MLKL: variants seen among roughly 807,000 people sequenced by gnomAD.
MLKL encodes mixed lineage kinase domain-like protein.
Under a neutral mutation model 56.5 loss-of-function variants are expected in MLKL, and 55 were observed. The observed-to-expected ratio is 0.97, with a 90% confidence interval of 0.78 to 1.22. The LOEUF (loss-of-function observed/expected upper bound fraction) is 1.22. MLKL is among the 50% of genes most tolerant of loss of function. The pLI is 0.00. For synonymous variants in MLKL, 251 were observed against 208.3 expected (o/e 1.20, Z -1.76); for missense variants, 694 against 573.9 (o/e 1.21, Z -2.14).
chr16:74,685,729 T>C, intron 4 of MLKL, 146 bp from the exon 5 acceptor site: 1 of 654,862 alleles, frequency 1.5e-6, no homozygotes, highest in South Asian at 1.8e-5. Flanking sequence ...CAGCTACTGA[T>C]AACAACATGT....
Position 74,676,476 on chromosome 16 carries a change from T to TTTCATTCA in MLKL, c.1039-720_1039-713dup, listed in dbSNP as rs776138693. ...AAGGCACTTAGATGGCTCATCCCCC[T>TTTCATTCA]TTCATTCATTCATTCATTCATTTGC... On this transcript the variant is annotated intron_variant, in intron 7 of 10. Transcript: ENST00000308807. 3 of 985,068 alleles carry TTTCATTCA rather than the reference T, an allele frequency of 3.0e-6. No homozygotes were observed. The South Asian group carries it at 1.4e-4, about 46-fold the overall frequency. The allele number at this position is 985,068 out of a possible 1,614,324, so 61.0% of individuals were successfully genotyped here.
At position 74,682,681 on chromosome 16, in the gene MLKL, A is replaced by C. The variant is rs1174385114; in HGVS notation, c.926T>G (p.Leu309Arg). 5.6e-6 allele frequency: 9 copies of C among 1,614,028 alleles called. No homozygotes were observed. The highest frequency in any genetic ancestry group is 7.6e-6 in the Non-Finnish European group (9 of 1,180,034). The change falls in exon 6 of 11, where the codon CTA (leucine) becomes CGA (arginine). Residue 309 changes from leucine to arginine, a missense_variant. Coordinates refer to ENST00000308807, the MANE Select transcript of MLKL (RefSeq NM_152649.4). ...TAGGCCTCGGGCTGCCCCCAGGACT[A>C]GGACCATGCGCTTGCCAAGTGTGAG... ...KDLTLGKRMV[L>R]VLGAARGLYR...
At chr16:74,691,515 AG>A in intron 3 of MLKL, 52 bp from the exon 4 acceptor site, 1 of 1,549,446 alleles carries the variant, frequency 6.5e-7, no homozygotes, top group Non-Finnish European at 8.7e-7. Flanking sequence ...GAGCAGAGGA[AG>A]GGGTCCTAAG....
chr16:74,680,586 A>T lies in MLKL; in HGVS notation c.957-1606T>A, dbSNP rs559866918. 1.7e-3 allele frequency among the ~76,000 whole-genome samples: 253 copies of T among 152,224 alleles called. 1 individual carries two copies. Among genetic ancestry groups the T allele is most frequent in the African/African-American group, 5.5e-3 (227 of 41,534 alleles). ...CAGTGGCACAATCTCAGCTCACTGC[A>T]ACCTCTGCCTCCCAGGTTCAAGCGA... On this transcript the variant is annotated intron_variant, in intron 6 of 10. Coordinates refer to ENST00000308807, the MANE Select transcript of MLKL (RefSeq NM_152649.4).
At chr16:74,688,189 C>T (rs898746472) in intron 4 of MLKL, among the ~76,000 whole-genome samples, 3 of 151,886 alleles carry the variant, frequency 2.0e-5, no homozygotes, top group African/African-American at 7.3e-5. Context: ...AGGCTGGTCT[C>T]AAACTCCTGA....
At chr16:74,674,505 A>G (rs8058840) in intron 10 of MLKL, among the ~76,000 whole-genome samples, 19,413 of 150,586 alleles carry the variant, frequency 0.13, 1,494 homozygotes, top group Admixed American at 0.24. Flanking sequence ...GCTGGAGTGC[A>G]GTGGTACAGT....
At chr16:74,690,811 G>C (rs963130517) in intron 4 of MLKL, among the ~76,000 whole-genome samples, 5 of 112,626 alleles carry the variant, frequency 4.4e-5, no homozygotes, top group South Asian at 3.0e-4. Flanking sequence ...AAAAAAAAAA[G>C]GCAAAATGTG....
chr16:74,678,814 T>C (rs1236988323), intron 7 of MLKL, 85 bp downstream of exon 7: 7 of 946,564 alleles, frequency 7.4e-6, no homozygotes, highest in Non-Finnish European at 1.2e-5. Flanking sequence ...AAGACAAGAA[T>C]CAAGCCTTTC....
Position 74,675,339 on chromosome 16 carries a change from T to G in MLKL, c.1240+16A>C, listed in dbSNP as rs1430663968. 2 of 1,614,096 alleles carry G rather than the reference T, an allele frequency of 1.2e-6. No individual in the cohort carries two copies. The highest frequency in any genetic ancestry group is 3.3e-5 in the Admixed American group (2 of 60,018). On this transcript the variant is annotated intron_variant, in intron 9 of 10. Transcript: ENST00000308807. ...CCAACCTCACCACTGGCTGAGCCAGTCTTCACATTCTTCACCTTGAAACGG... is the reference window on the plus strand; with the variant it reads ...CCAACCTCACCACTGGCTGAGCCAGGCTTCACATTCTTCACCTTGAAACGG...
At chr16:74,681,139 C>T (rs1959940104) in intron 6 of MLKL, among the ~76,000 whole-genome samples, 2 of 152,060 alleles carry the variant, frequency 1.3e-5, no homozygotes, top group Non-Finnish European at 2.9e-5. Context: ...ATTCTTGTCC[C>T]TCAAGCCTCC....
intron 1 of MLKL, among the ~76,000 whole-genome samples, chr16:74,698,866 C>T (rs570558022): frequency 5.3e-4 from 81 of 152,236 alleles, no homozygotes; most frequent in African/African-American, 1.6e-3. Flanking sequence ...GTAATCTCAG[C>T]GCTTTGGAAG....
Position 74,672,524 on chromosome 16 carries a change from GTTTC to G in MLKL, c.1392_1395del (p.Lys464AsnfsTer105), listed in dbSNP as rs747240178. The G allele has an allele frequency of 3.7e-6, 6 of 1,613,958 alleles. No homozygotes were observed. The African/African-American group carries it at 6.7e-5, about 18-fold the overall frequency. On this transcript the variant is annotated frameshift_variant, in exon 11 of 11. Transcript: ENST00000308807. LOFTEE classifies it high-confidence loss of function. ...ATACACTACTTAGAAAAGGTGGAGAGTTTCTTTAAGATTTCTGTGGATGAATGAA... is the reference window on the plus strand; with the variant it reads ...ATACACTACTTAGAAAAGGTGGAGAGTTTAAGATTTCTGTGGATGAATGAA...
rs148839146 is a variant in MLKL, at chr16:74,673,300, C to A, written c.1382-762G>T. 1.5e-3 allele frequency among the ~76,000 whole-genome samples: 231 copies of A among 152,296 alleles called. 3 individuals are homozygous for A. Among genetic ancestry groups the A allele is most frequent in the South Asian group, 0.015 (72 of 4,830 alleles). On this transcript the variant is annotated intron_variant, in intron 10 of 10. Transcript: ENST00000308807. The stretch of plus-strand genomic sequence containing the variant: ...TGGCGCGATCTTGGCTCACTGCAAC[C>A]TTTGCCTCTGGGGTTCAAGCAATTC...
chr16:74,682,679 C>G lies in MLKL; in HGVS notation c.928G>C (p.Val310Leu). 1 of 1,614,162 alleles carries G rather than the reference C, an allele frequency of 6.2e-7. No homozygotes were observed. Among genetic ancestry groups the G allele is most frequent in the Non-Finnish European group, 8.5e-7 (1 of 1,180,020 alleles). The change falls in exon 6 of 11, where the codon GTC becomes CTC. Residue 310 changes from valine (V) to leucine (L), a missense_variant. Transcript: ENST00000308807. ...TATAGGCCTCGGGCTGCCCCCAGGA[C>G]TAGGACCATGCGCTTGCCAAGTGTG... ...DLTLGKRMVL[V>L]LGAARGLYRL...
intron 6 of MLKL, among the ~76,000 whole-genome samples, chr16:74,682,446 A>G (rs1258561558): frequency 6.6e-6 from 1 of 152,128 alleles, no homozygotes; most frequent in Non-Finnish European, 1.5e-5. Context: ...GTGGACATCA[A>G]TTTCAACCGT....
chr16:74,674,609 G>A (rs986529805), intron 10 of MLKL, among the ~76,000 whole-genome samples: 2 of 151,676 alleles, frequency 1.3e-5, no homozygotes, highest in African/African-American at 4.8e-5. Context: ...GTACCACCAT[G>A]GCTAGCTAAT....
At chr16:74,698,696 A>G (rs1961201828) in intron 1 of MLKL, among the ~76,000 whole-genome samples, 1 of 152,246 alleles carries the variant, frequency 6.6e-6, no homozygotes, top group Admixed American at 6.5e-5. Context: ...TTATCTTACC[A>G]GCAGCCTCAT....
At chr16:74,695,084 G>A (rs1960945007) in intron 2 of MLKL, among the ~76,000 whole-genome samples, 1 of 152,290 alleles carries the variant, frequency 6.6e-6, no homozygotes, top group Middle Eastern at 3.4e-3. Flanking sequence ...GTGTTAGCCA[G>A]GATGGTCTCA....
rs1459680890 is a variant in MLKL at position 74,674,947 on chromosome 16, G to C, written c.1381+13C>G. 4.3e-6 allele frequency: 7 copies of C among 1,610,882 alleles called. No individual in the cohort carries two copies. The highest frequency in any genetic ancestry group is 5.1e-6 in the Non-Finnish European group (6 of 1,179,108). On this transcript the variant is annotated intron_variant, in intron 10 of 10. Coordinates refer to ENST00000308807, the MANE Select transcript of MLKL (RefSeq NM_152649.4). ...GATGGGGCTCACGCTCTTTACACCAGAAAGAACCCTACCATCCACAGAGGG... is the reference window on the plus strand; with the variant it reads ...GATGGGGCTCACGCTCTTTACACCACAAAGAACCCTACCATCCACAGAGGG...
Sources: gnomAD v4.1 joint callset for allele counts (sites outside exome capture counted in the v4.1 genomes callset) on GRCh38, gnomAD v4.1.1 for gene constraint, MANE v1.5 for transcripts, NCBI Gene and HGNC (gene_info 2026-07-23, HGNC 2026-07-21) for gene names.